Variants in CYFIP1 observed in about 807,000 individuals in gnomAD.
The protein encoded by CYFIP1 is cytoplasmic FMR1 interacting protein 1, also known as cytoplasmic FMR1-interacting protein 1.
Under a neutral mutation model 163.5 loss-of-function variants are expected in CYFIP1, and 58 were observed. The ratio of observed to expected loss-of-function variants is 0.35; its 90% CI spans 0.29 to 0.44. The LOEUF (loss-of-function observed/expected upper bound fraction) is 0.44. Among genes scored for constraint, CYFIP1 ranks in the 20% least tolerant of loss-of-function variants. The pLI is 1.00. For synonymous variants in CYFIP1, 663 were observed against 660.7 expected (o/e 1.00, Z -0.05); for missense variants, 1,338 against 1,653.8 (o/e 0.81, Z 3.31).
chr15:22,915,082 A>G, intron 16 of CYFIP1, 200 bp from the exon 17 acceptor site: 1 of 475,478 alleles, frequency 2.1e-6, no homozygotes, highest in Non-Finnish European at 3.7e-6. Context: ...AGGTAAAGCC[A>G]CCTCATCAAC....
chr15:22,878,290 C>T (rs2059642266), intron 26 of CYFIP1, among the ~76,000 whole-genome samples: 1 of 152,020 alleles, frequency 6.6e-6, no homozygotes, highest in South Asian at 2.1e-4. Flanking sequence ...ACTCGAGAGT[C>T]ATGTTAGAGC....
chr15:22,881,756 C>A lies in CYFIP1; in HGVS notation c.2911+90G>T, dbSNP rs568032166. 839 of 1,280,622 alleles carry A rather than the reference C, an allele frequency of 6.6e-4. 21 individuals carry two copies. The South Asian group carries it at 8.9e-3, about 14-fold the overall frequency. The allele number at this position is 1,280,622 out of a possible 1,614,324, so 79.3% of individuals were successfully genotyped here. ...CTGTCTACTGCCTCTTCCCACATGG[C>A]AAATCTAATCCTTCTCAAGAATTTC... On this transcript the variant is annotated intron_variant, in intron 25 of 30. Coordinates refer to ENST00000617928, the MANE Select transcript of CYFIP1 (RefSeq NM_014608.6).
At chr15:22,893,643 GA>G (rs2060141486) in intron 22 of CYFIP1, among the ~76,000 whole-genome samples, 1 of 152,164 alleles carries the variant, frequency 6.6e-6, no homozygotes. Context: ...ATGTAATTGT[GA>G]AAATACTGCT....
At chr15:22,912,044 C>T (rs1334581073) in intron 18 of CYFIP1, 135 bp downstream of exon 18, 3 of 745,788 alleles carry the variant, frequency 4.0e-6, no homozygotes, top group African/African-American at 3.6e-5. Context: ...AGAGGAAGGG[C>T]TTGCTCCCAC....
In CYFIP1 at chr15:22,901,321, T is replaced by G. The variant is rs979794270; in HGVS notation, c.2588+2385A>C. 2.6e-5 allele frequency among the ~76,000 whole-genome samples: 4 copies of G among 152,292 alleles called. No individual in the cohort carries two copies. In the East Asian group the frequency reaches 5.8e-4, roughly 22 times the overall value. On this transcript the variant is annotated intron_variant, in intron 22 of 30. Transcript: ENST00000617928. ...TTAAAACGACCGGGACAAATTTTAA[T>G]GAGGGAGTTTGTTTACATCATCTCA... is the stretch of plus-strand genomic sequence containing the variant.
At chr15:22,972,322 A>T (rs1175870391) in intron 1 of CYFIP1, among the ~76,000 whole-genome samples, 1 of 152,162 alleles carries the variant, frequency 6.6e-6, no homozygotes, top group Non-Finnish European at 1.5e-5. Context: ...TGTAATCCCC[A>T]GCTACTCAGG....
chr15:22,909,724 A>AT (rs894375395), intron 20 of CYFIP1, among the ~76,000 whole-genome samples: 4 of 151,186 alleles, frequency 2.6e-5, no homozygotes, highest in Admixed American at 2.6e-4. Context: ...TTAATTTTTA[A>AT]TTTTTTTTCT....
intron 1 of CYFIP1, among the ~76,000 whole-genome samples, chr15:22,964,838 A>T (rs1249095283): frequency 6.6e-6 from 1 of 152,188 alleles, no homozygotes. Flanking sequence ...CTGCCTGCCC[A>T]GATGGGTTAT....
chr15:22,904,464 T>C, intron 21 of CYFIP1: 1 of 162,882 alleles, frequency 6.1e-6, no homozygotes, highest in Non-Finnish European at 1.4e-5. Context: ...GCGCACTACA[T>C]GAGACACCAG....
intron 25 of CYFIP1, 28 bp from the exon 26 acceptor site, chr15:22,880,071 G>A: frequency 6.2e-7 from 1 of 1,612,642 alleles, no homozygotes; most frequent in Non-Finnish European, 8.5e-7. Flanking sequence ...AGGTGGGGTT[G>A]GGGGACTGGA....
At chr15:22,977,371 C>T (rs998860289) in intron 1 of CYFIP1, among the ~76,000 whole-genome samples, 4 of 152,030 alleles carry the variant, frequency 2.6e-5, no homozygotes, top group African/African-American at 9.7e-5. Context: ...AATTTGTATG[C>T]CTTTTCTTTC....
At chr15:22,871,662 A>T (rs1192564511) in intron 30 of CYFIP1, among the ~76,000 whole-genome samples, 1 of 152,192 alleles carries the variant, frequency 6.6e-6, no homozygotes, top group Admixed American at 6.5e-5. Flanking sequence ...ATATAGTCAC[A>T]GTCAGGGAAT....
chr15:22,939,117 G>A, intron 8 of CYFIP1, 75 bp downstream of exon 8: 3 of 1,575,488 alleles, frequency 1.9e-6, no homozygotes, highest in Non-Finnish European at 2.6e-6. Flanking sequence ...AAGGATTCTA[G>A]ATAAAGCACA....
chr15:22,977,512 C>G (rs1301823626), intron 1 of CYFIP1, among the ~76,000 whole-genome samples: 1 of 152,128 alleles, frequency 6.6e-6, no homozygotes, highest in East Asian at 1.9e-4. Context: ...ATAGCTTGGA[C>G]ATGTTAGTTA....
intron 1 of CYFIP1, among the ~76,000 whole-genome samples, chr15:22,952,182 G>A (rs1479818065): frequency 2.6e-5 from 4 of 152,100 alleles, no homozygotes; most frequent in African/African-American, 9.7e-5. Context: ...ACCTAAAGTG[G>A]TCAAACTCAG....
At chr15:22,875,815 A>G in intron 26 of CYFIP1, among the ~76,000 whole-genome samples, 1 of 151,030 alleles carries the variant, frequency 6.6e-6, no homozygotes, top group Non-Finnish European at 1.5e-5. Flanking sequence ...CATCATGCCG[A>G]ACTGCTCTTG....
rs137883433 is a variant in CYFIP1, at chr15:22,922,729, T to C, written c.1359+3253A>G. ...AGAAGAGGCTGGGCGTGGCGGCTCATGCCTGTAATCCTACCACTTTGGGAG... is the reference window on the plus strand; with the variant it reads ...AGAAGAGGCTGGGCGTGGCGGCTCACGCCTGTAATCCTACCACTTTGGGAG... On this transcript the variant is annotated intron_variant, in intron 13 of 30. Transcript: ENST00000617928. 4.7e-3 allele frequency among the ~76,000 whole-genome samples: 717 copies of C among 152,314 alleles called. 4 individuals are homozygous for C. The highest frequency in any genetic ancestry group is 0.016 in the African/African-American group (682 of 41,562).
chr15:22,934,485 CTTTTTTTTTTT>C (rs35881374), intron 9 of CYFIP1, among the ~76,000 whole-genome samples: 7 of 49,798 alleles, frequency 1.4e-4, no homozygotes, highest in Admixed American at 5.7e-4. Flanking sequence ...GCACCCAGCC[CTTTTTTTTTTT>C]TTTTTTTTTT....
intron 1 of CYFIP1, among the ~76,000 whole-genome samples, chr15:22,963,197 T>C (rs2062748666): frequency 6.6e-6 from 1 of 152,144 alleles, no homozygotes; most frequent in Admixed American, 6.6e-5. Context: ...TTGTATAAGT[T>C]TGAAGTTATT....
Sources: allele counts gnomAD v4.1 joint callset (sites outside exome capture counted in the v4.1 genomes callset), GRCh38; gene constraint gnomAD v4.1.1; transcripts MANE v1.5; gene names NCBI Gene and HGNC (gene_info 2026-07-23, HGNC 2026-07-21).